The following OSR1 variants were observed in gnomAD, a reference collection of about 807,000 sequenced individuals.
The protein encoded by OSR1 is odd-skipped related transcription factor 1.
A neutral mutation model predicts 15.7 loss-of-function variants in OSR1; 3 were observed. The observed-to-expected ratio is 0.19, with a 90% CI of 0.09 to 0.50. The LOEUF (loss-of-function observed/expected upper bound fraction) is 0.50, where lower values mean the gene tolerates loss of function less well. Ranked by LOEUF, OSR1 falls within the 20% of genes least tolerant of loss-of-function variation. The probability of loss-of-function intolerance (pLI) is 0.97; values close to 1 mark genes in which losing one functional copy is unlikely to be tolerated. For synonymous variants in OSR1, 166 were observed against 152.7 expected (o/e 1.09, Z -0.64); for missense variants, 271 against 351.1 (o/e 0.77, Z 1.82).
downstream of OSR1, among the ~76,000 whole-genome samples, chr2:19,350,647 C>T (rs973872472): frequency 6.6e-6 from 1 of 152,236 alleles, no homozygotes; most frequent in Admixed American, 6.5e-5. Context: ...GCGGTCAGGG[C>T]GCTGGAGCTG....
downstream of OSR1, among the ~76,000 whole-genome samples, chr2:19,348,730 G>A (rs947023261): frequency 7.9e-5 from 12 of 152,088 alleles, no homozygotes; most frequent in Admixed American, 1.3e-4. Flanking sequence ...TGGAAATAGG[G>A]GGTAGAACCT....
downstream of OSR1, among the ~76,000 whole-genome samples, chr2:19,351,310 G>A (rs1664834508): frequency 6.6e-6 from 1 of 152,086 alleles, no homozygotes; most frequent in Admixed American, 6.5e-5. Context: ...TGGTGGGGCG[G>A]AGGCAGACCT....
At chr2:19,349,534 C>A (rs1664794406), downstream of OSR1, among the ~76,000 whole-genome samples, 1 of 152,194 alleles carries the variant, frequency 6.6e-6, no homozygotes, top group African/African-American at 2.4e-5. Flanking sequence ...TACTGACATT[C>A]AGTTGCAGAC....
downstream of OSR1, among the ~76,000 whole-genome samples, chr2:19,349,694 T>G (rs548990614): frequency 1.1e-3 from 170 of 152,164 alleles, no homozygotes; most frequent in African/African-American, 3.8e-3. Flanking sequence ...TGGAATGATG[T>G]GTTCTGGGAG....
Position 19,357,055 on chromosome 2 carries a change from C to T in OSR1, c.-33+1286G>A, listed in dbSNP as rs188276722. The T allele has an allele frequency of 8.3e-4, 127 of 152,282 alleles. 1 individual carries two copies. The highest frequency in any genetic ancestry group is 2.9e-3 in the African/African-American group (121 of 41,560). 9.4% of individuals were successfully genotyped at this position (152,282 alleles called of 1,614,324 possible). ...GACCCCCGTGAAGAGGACTGACCGG[C>T]ACCGGATACTTCTATAGCATTCTCC... On this transcript the variant is annotated intron_variant, in intron 1 of 2. Coordinates refer to ENST00000272223, the MANE Select transcript of OSR1 (RefSeq NM_145260.3). This position sits in a 1 kb window ranked among gnomAD's most constrained non-coding sequence, Gnocchi z 5.0.
Position 19,352,409 on chromosome 2 carries a change from A to T in OSR1, c.667T>A (p.Tyr223Asn). ...AAGGGCTTCTCTTTGGAGTGAATAT[A>T]TCTGAGGGCAGAAACAGAGAGTTCA... ...RRQDHLRDHR[Y>N]IHSKEKPFKC... The change falls in exon 3 of 3, where the codon TAT (tyrosine) becomes AAT (asparagine). Residue 223 changes from tyrosine (Y) to asparagine (N), a missense_variant and splice_region_variant. Around this residue, in one of 4 missense-constraint regions of OSR1, gnomAD observed 8 missense variants for 41.5 expected, o/e 0.19. Coordinates refer to ENST00000272223, the MANE Select transcript of OSR1 (RefSeq NM_145260.3). The T allele has an allele frequency of 6.2e-7, 1 of 1,614,058 alleles. No individual in the cohort carries two copies. Among genetic ancestry groups the T allele is most frequent in the Non-Finnish European group, 8.5e-7 (1 of 1,179,950 alleles).
At chr2:19,350,883 A>T (rs558078100), downstream of OSR1, among the ~76,000 whole-genome samples, 13 of 152,282 alleles carry the variant, frequency 8.5e-5, no homozygotes, top group East Asian at 2.1e-3. Flanking sequence ...GGAGGGGACA[A>T]GTCCCAAGCA....
chr2:19,351,144 GCTGTCTCAGCACCCAGAGACT>G (rs1210334136), downstream of OSR1, among the ~76,000 whole-genome samples: 1 of 152,136 alleles, frequency 6.6e-6, no homozygotes, highest in African/African-American at 2.4e-5. Context: ...ACCCAGAGAC[GCTGTCTCAGCACCCAGAGACT>G]CTGGGATTTC....
downstream of OSR1, among the ~76,000 whole-genome samples, chr2:19,350,570 G>A (rs1212711731): frequency 1.3e-5 from 2 of 152,194 alleles, no homozygotes; most frequent in Admixed American, 6.5e-5. Context: ...CGCGCTCCGG[G>A]CGCTGAAGCT....
In OSR1 at chr2:19,352,428, G is replaced by A. The variant is rs780157045; in HGVS notation, c.666-18C>T. On this transcript the variant is annotated intron_variant, in intron 2 of 2. Transcript: ENST00000272223. ...GAATATATCTGAGGGCAGAAACAGA[G>A]AGTTCATCCTTGCAAAATGATGCAA... 6.2e-7 allele frequency: 1 copy of A among 1,613,580 alleles called. No homozygotes were observed. Among genetic ancestry groups the A allele is most frequent in the East Asian group, 2.2e-5 (1 of 44,882 alleles).
the OSR1 span, among the ~76,000 whole-genome samples, chr2:19,346,352 A>T: frequency 1.3e-5 from 2 of 152,346 alleles, no homozygotes; most frequent in East Asian, 3.9e-4. Context: ...ACCAAAAAAA[A>T]TGGCAGCAAA....
At chr2:19,348,120 G>A (rs564480768), downstream of OSR1, among the ~76,000 whole-genome samples, 1 of 152,146 alleles carries the variant, frequency 6.6e-6, no homozygotes, top group Non-Finnish European at 1.5e-5. Context: ...CGCAGAAGTG[G>A]GTGGGATGAG....
chr2:19,352,825 T>C (rs980197042), intron 2 of OSR1, among the ~76,000 whole-genome samples: 1 of 152,178 alleles, frequency 6.6e-6, no homozygotes, highest in African/African-American at 2.4e-5. Flanking sequence ...TTCTCAGACA[T>C]TTCAAATACT....
chr2:19,345,531 G>C, the OSR1 span, among the ~76,000 whole-genome samples: 3 of 152,076 alleles, frequency 2.0e-5, no homozygotes, highest in African/African-American at 7.2e-5. Context: ...TGGCTAGCCA[G>C]TTTTCCCAGC....
At chr2:19,350,546 T>C (rs1031144273), downstream of OSR1, among the ~76,000 whole-genome samples, 5 of 152,146 alleles carry the variant, frequency 3.3e-5, no homozygotes, top group African/African-American at 9.6e-5. Context: ...AGTCCAGTTG[T>C]CATCCGCGGC....
At chr2:19,348,175 C>A (rs1445096037), downstream of OSR1, among the ~76,000 whole-genome samples, 1 of 152,062 alleles carries the variant, frequency 6.6e-6, no homozygotes, top group Non-Finnish European at 1.5e-5. Flanking sequence ...GGCAGGGAGA[C>A]CACTCTAAAC....
In OSR1 at chr2:19,357,958, C is replaced by A. The variant is rs2103365306; in HGVS notation, c.-33+383G>T. On this transcript the variant is annotated intron_variant, in intron 1 of 2. Transcript: ENST00000272223. The surrounding 1 kb of genome is among the most constrained non-coding windows in gnomAD (Gnocchi z 5.0). Reference sequence around the variant, plus strand: ...CCTTCTTCGTCAACCTGGGCGTCAGCCAGAGCTAGGAGCGCGTCTCAGGAA... The same window carrying A: ...CCTTCTTCGTCAACCTGGGCGTCAGACAGAGCTAGGAGCGCGTCTCAGGAA... The A allele has an allele frequency of 6.6e-6, 1 of 152,468 alleles. No individual in the cohort carries two copies. The highest frequency in any genetic ancestry group is 3.4e-3 in the Middle Eastern group (1 of 298). The allele number at this position is 152,468 out of a possible 1,614,324, so 9.4% of individuals were successfully genotyped here.
chr2:19,353,828 C>T lies in OSR1; in HGVS notation c.-23G>A, dbSNP rs1241981117. The stretch of plus-strand genomic sequence containing the variant: ...CATTTCGGTAGTTGCAGTGGCTTCT[C>T]AATCCGGATCTGCAAAGAAAAGAAG... On this transcript the variant is annotated 5_prime_UTR_variant, in exon 2 of 3. Coordinates refer to ENST00000272223, the MANE Select transcript of OSR1 (RefSeq NM_145260.3). 1 of 1,592,328 alleles carries T rather than the reference C, an allele frequency of 6.3e-7. No homozygotes were observed. Among genetic ancestry groups the T allele is most frequent in the Non-Finnish European group, 8.6e-7 (1 of 1,167,464 alleles).
At chr2:19,349,959 C>T (rs1264260024), downstream of OSR1, among the ~76,000 whole-genome samples, 1 of 152,112 alleles carries the variant, frequency 6.6e-6, no homozygotes, top group Non-Finnish European at 1.5e-5. Flanking sequence ...GCCGCTTGGG[C>T]GCAGACCGTC....
Sources: allele counts gnomAD v4.1 joint callset (sites outside exome capture counted in the v4.1 genomes callset), GRCh38; gene constraint gnomAD v4.1.1; regional missense constraint gnomAD v4.1.1; non-coding constraint Gnocchi (gnomAD v3.1); transcripts MANE v1.5; gene names NCBI Gene and HGNC (gene_info 2026-07-23, HGNC 2026-07-21).